Variants in NRXN1 observed in about 807,000 individuals in gnomAD.
NRXN1 encodes the protein neurexin-1.
Under a neutral mutation model 150.9 loss-of-function variants are expected in NRXN1, and 39 were observed. That is an observed-to-expected ratio of 0.26 (90% confidence interval 0.20 to 0.34). NRXN1 has a LOEUF of 0.34. NRXN1 is among the 10% of genes least tolerant of loss of function. The pLI is 1.00. For missense variants in NRXN1, 1,815 were observed against 1,949.9 expected, an observed-to-expected ratio of 0.93 and a Z score of 1.30; for synonymous variants, 924 against 757.0, an observed-to-expected ratio of 1.22 and a Z score of -3.62.
chr2:50,817,144 T>A (rs914845949), intron 5 of NRXN1, among the ~76,000 whole-genome samples: 2 of 152,110 alleles, frequency 1.3e-5, no homozygotes, highest in African/African-American at 4.8e-5. Context: ...ACAAGAAAGC[T>A]ATCTTAAAAG....
intron 5 of NRXN1, among the ~76,000 whole-genome samples, chr2:50,742,495 C>G (rs1165190276): frequency 2.0e-5 from 3 of 151,182 alleles, no homozygotes; most frequent in Non-Finnish European, 4.4e-5. Context: ...GTAATTCCAG[C>G]TACTTGGGAG....
chr2:50,543,742 T>C (rs2093435991), intron 9 of NRXN1, among the ~76,000 whole-genome samples: 1 of 152,122 alleles, frequency 6.6e-6, no homozygotes, highest in Non-Finnish European at 1.5e-5. Flanking sequence ...CCTATTTTTA[T>C]TGTCTGTTCT....
intron 17 of NRXN1, among the ~76,000 whole-genome samples, chr2:50,284,314 T>A (rs1342896020): frequency 1.3e-5 from 2 of 152,188 alleles, no homozygotes; most frequent in Non-Finnish European, 2.9e-5. Flanking sequence ...TTCTCCTCCC[T>A]TTGCCTAATG....
At chr2:50,680,547 TCA>T in intron 5 of NRXN1, among the ~76,000 whole-genome samples, 1 of 152,182 alleles carries the variant, frequency 6.6e-6, no homozygotes, top group East Asian at 1.9e-4. Context: ...AAAATGTCAA[TCA>T]ACTGGATCCT....
rs1037700285 is a variant in NRXN1, at chr2:50,347,699, G to A, written c.3365-110729C>T. The A allele has an allele frequency of 3.0e-6, 3 of 987,136 alleles. No homozygotes were observed. Among genetic ancestry groups the A allele is most frequent in the African/African-American group, 1.7e-5 (1 of 57,246 alleles). 61.1% of individuals were successfully genotyped at this position (987,136 alleles called of 1,614,324 possible). On this transcript the variant is annotated intron_variant, in intron 17 of 22. Transcript: ENST00000401669. This position sits in a 1 kb window ranked among gnomAD's most constrained non-coding sequence, Gnocchi z 4.9. The stretch of plus-strand genomic sequence containing the variant: ...ACGGCGGAAAGGCAGCTGAGAAGAA[G>A]ATGCAGACGAAGGAGTAAGGGAGAG...
At chr2:50,369,749 A>G (rs1205572498) in intron 17 of NRXN1, among the ~76,000 whole-genome samples, 1 of 151,988 alleles carries the variant, frequency 6.6e-6, no homozygotes, top group Non-Finnish European at 1.5e-5. Context: ...AGAGTGGCTA[A>G]TCGAAGTAAT....
chr2:50,207,592 C>A, intron 18 of NRXN1: 1 of 166,162 alleles, frequency 6.0e-6, no homozygotes. Context: ...GATTCCGTAG[C>A]TACTATGTGA....
Position 50,347,257 on chromosome 2 carries a change from A to T in NRXN1, c.3365-110287T>A. ...GCTGCTCCCAGATTTCCAGGGCTCCAGGTTCTCGAGAGATACTCCCAAAGA... is the reference window on the plus strand; with the variant it reads ...GCTGCTCCCAGATTTCCAGGGCTCCTGGTTCTCGAGAGATACTCCCAAAGA... On this transcript the variant is annotated intron_variant, in intron 17 of 22. Transcript: ENST00000401669. The surrounding 1 kb of genome is among the most constrained non-coding windows in gnomAD (Gnocchi z 4.9). The T allele has an allele frequency of 7.6e-7, 1 of 1,317,458 alleles. No individual in the cohort carries two copies. The highest frequency in any genetic ancestry group is 9.9e-7 in the Non-Finnish European group (1 of 1,008,126). 81.6% of individuals were successfully genotyped at this position (1,317,458 alleles called of 1,614,324 possible).
At chr2:50,656,212 G>A in intron 5 of NRXN1, 1 of 543,118 alleles carries the variant, frequency 1.8e-6, no homozygotes, top group East Asian at 2.9e-5. Context: ...ACACACAAAA[G>A]CAAAGTGATC....
intron 21 of NRXN1, among the ~76,000 whole-genome samples, chr2:49,972,057 T>C (rs2152496614): frequency 6.6e-6 from 1 of 152,278 alleles, no homozygotes. Context: ...CATTTTAAAT[T>C]TGTGTTTCTG....
At chr2:50,116,651 A>G (rs1027479073) in intron 18 of NRXN1, among the ~76,000 whole-genome samples, 1 of 151,778 alleles carries the variant, frequency 6.6e-6, no homozygotes, top group Non-Finnish European at 1.5e-5. Flanking sequence ...AAAAAACTCT[A>G]CCTCTTCCCC....
At chr2:50,280,146 C>T (rs1018364386) in intron 17 of NRXN1, among the ~76,000 whole-genome samples, 2 of 151,642 alleles carry the variant, frequency 1.3e-5, no homozygotes, top group Non-Finnish European at 2.9e-5. Context: ...GGCGTGGTGG[C>T]GGGCGCCTGT....
intron 5 of NRXN1, among the ~76,000 whole-genome samples, chr2:50,858,173 T>C (rs767295992): frequency 4.5e-4 from 68 of 152,166 alleles, no homozygotes; most frequent in Non-Finnish European, 4.3e-4. Context: ...AACAGGCTGG[T>C]TGAATTAAGC....
chr2:50,403,880 A>C (rs1366000417), intron 17 of NRXN1, among the ~76,000 whole-genome samples: 1 of 152,136 alleles, frequency 6.6e-6, no homozygotes, highest in African/African-American at 2.4e-5. Context: ...GCTTCCATTA[A>C]AAATACCATT....
At chr2:49,944,080 G>T (rs1263943193) in intron 21 of NRXN1, among the ~76,000 whole-genome samples, 1 of 152,142 alleles carries the variant, frequency 6.6e-6, no homozygotes, top group African/African-American at 2.4e-5. Context: ...ATCATACAGA[G>T]GTTTAAAACA....
At position 49,921,405 on chromosome 2, in the gene NRXN1, C is replaced by T. The variant is rs538539691; in HGVS notation, c.*539G>A. 6.5e-6 allele frequency: 1 copy of T among 152,852 alleles called. No homozygotes were observed. Among genetic ancestry groups the T allele is most frequent in the African/African-American group, 2.4e-5 (1 of 41,534 alleles). The allele number at this position is 152,852 out of a possible 1,614,324, so 9.5% of individuals were successfully genotyped here. On this transcript the variant is annotated 3_prime_UTR_variant, in exon 23 of 23. Transcript: ENST00000401669. ...ACACAAGTCTTCAAAAAAGCCAGCA[C>T]TTTGTTTCAAATGCAAGTTCCAACC...
chr2:50,980,368 A>G (rs896117668), intron 2 of NRXN1, among the ~76,000 whole-genome samples: 5 of 152,136 alleles, frequency 3.3e-5, no homozygotes, highest in African/African-American at 9.7e-5. Flanking sequence ...TGTTCATTCA[A>G]AAGTTTTTAC....
intron 2 of NRXN1, among the ~76,000 whole-genome samples, chr2:50,953,615 C>A (rs901854825): frequency 1.8e-4 from 26 of 148,570 alleles, no homozygotes; most frequent in South Asian, 4.3e-4. Flanking sequence ...GGAGTGCCAT[C>A]GCATGATCTC....
chr2:50,922,589 G>T, intron 4 of NRXN1, 69 bp downstream of exon 4: 1 of 1,485,382 alleles, frequency 6.7e-7, no homozygotes, highest in Non-Finnish European at 9.3e-7. Context: ...CCTTTGCAGT[G>T]ATGGTTTGAA....
Sources: gnomAD v4.1 joint callset for allele counts (sites outside exome capture counted in the v4.1 genomes callset) on GRCh38, gnomAD v4.1.1 for gene constraint, Gnocchi (gnomAD v3.1) non-coding constraint, MANE v1.5 for transcripts, NCBI Gene and HGNC (gene_info 2026-07-23, HGNC 2026-07-21) for gene names.